Variants in MLLT3 observed in about 807,000 individuals in gnomAD.
The protein encoded by MLLT3 is MLLT3 super elongation complex subunit.
Under a neutral mutation model 53.2 loss-of-function variants are expected in MLLT3, and 4 were observed. The ratio of observed to expected loss-of-function variants is 0.08; its 90% confidence interval spans 0.04 to 0.17. MLLT3 has a LOEUF of 0.17. MLLT3 is among the 10% of genes least tolerant of loss of function. The probability of loss-of-function intolerance (pLI) is 1.00; values close to 1 mark genes in which losing one functional copy is unlikely to be tolerated. For missense variants in MLLT3, 569 were observed against 684.0 expected (o/e 0.83, Z 1.87); for synonymous variants, 283 against 230.6 (o/e 1.23, Z -2.06).
In MLLT3 at chr9:20,404,846, A is replaced by C. The variant is rs117183486; in HGVS notation, c.1125+8875T>G. On this transcript the variant is annotated intron_variant, in intron 5 of 10. Transcript: ENST00000380338. ...TTCCAAGTGTAGACTCTTGTACCAC[A>C]CTTCCTGGACCACTCCTCCTGAGCC... 3.5e-3 allele frequency among the ~76,000 whole-genome samples: 527 copies of C among 151,960 alleles called. 11 individuals carry two copies. In the East Asian group the frequency reaches 0.067, roughly 19 times the overall value.
intron 5 of MLLT3, among the ~76,000 whole-genome samples, chr9:20,405,186 T>C (rs950283046): frequency 6.6e-6 from 1 of 152,188 alleles, no homozygotes; most frequent in African/African-American, 2.4e-5. Flanking sequence ...TTCAGTACTT[T>C]CTGCAATTCT....
rs202193338 is a variant in MLLT3, at chr9:20,613,306, T to TA, written c.193+7347dup. The stretch of plus-strand genomic sequence containing the variant: ...TTGCATGTGAATTATATCTCAATTG[T>TA]AAAAAAAAGATTCACTAGCATGATC... On this transcript the variant is annotated intron_variant, in intron 2 of 10. Transcript: ENST00000380338. 5.6e-3 allele frequency among the ~76,000 whole-genome samples: 858 copies of TA among 151,992 alleles called. 6 individuals are homozygous for TA. The highest frequency in any genetic ancestry group is 0.018 in the African/African-American group (756 of 41,456).
At chr9:20,576,842 A>C (rs1293116407) in intron 2 of MLLT3, among the ~76,000 whole-genome samples, 1 of 152,152 alleles carries the variant, frequency 6.6e-6, no homozygotes, top group East Asian at 1.9e-4. Flanking sequence ...CTTTCAACTT[A>C]CGAAAACACA....
At chr9:20,541,789 T>C (rs966246886) in intron 2 of MLLT3, among the ~76,000 whole-genome samples, 2 of 152,244 alleles carry the variant, frequency 1.3e-5, no homozygotes, top group Admixed American at 1.3e-4. Context: ...TCAAGTTTTA[T>C]CATGAGATTG....
chr9:20,608,306 A>AT (rs1248736439), intron 2 of MLLT3, among the ~76,000 whole-genome samples: 3 of 151,964 alleles, frequency 2.0e-5, no homozygotes, highest in Admixed American at 2.0e-4. Flanking sequence ...TAGGCTCTAG[A>AT]AAAATTTTTA....
rs774697398 is a variant in MLLT3 at position 20,342,214 on chromosome 9, AG to A, written c.*4228del. The A allele has an allele frequency of 2.5e-4, 56 of 220,636 alleles. No homozygotes were observed. The highest frequency in any genetic ancestry group is 4.8e-4 in the Non-Finnish European group (53 of 109,974). 13.7% of individuals were successfully genotyped at this position (220,636 alleles called of 1,614,324 possible). A position where few individuals can be genotyped will look rare whatever the true frequency, so the allele number is the denominator to read the frequency against. ...TACATTTTAAAAAAGGTGCTGAAAC[AG>A]ATTATATGAGTTTAAGTAAAACACC... On this transcript the variant is annotated 3_prime_UTR_variant, in exon 11 of 11. Transcript: ENST00000380338.
intron 2 of MLLT3, among the ~76,000 whole-genome samples, chr9:20,514,229 G>A (rs1817842301): frequency 1.3e-5 from 2 of 152,150 alleles, no homozygotes; most frequent in African/African-American, 4.8e-5. Flanking sequence ...GGAAACAGTG[G>A]GTTCAGGAAG....
chr9:20,555,321 G>A (rs1302375045), intron 2 of MLLT3, among the ~76,000 whole-genome samples: 2 of 151,990 alleles, frequency 1.3e-5, no homozygotes, highest in Non-Finnish European at 2.9e-5. Context: ...CTGAAACTGA[G>A]TTCTATTTTT....
At chr9:20,556,906 G>T (rs946554828) in intron 2 of MLLT3, among the ~76,000 whole-genome samples, 3 of 151,930 alleles carry the variant, frequency 2.0e-5, no homozygotes, top group Non-Finnish European at 4.4e-5. Context: ...CCCAAATTAC[G>T]TATTTTGAAA....
intron 2 of MLLT3, among the ~76,000 whole-genome samples, chr9:20,535,054 C>G (rs1156697465): frequency 2.0e-5 from 3 of 152,132 alleles, no homozygotes; most frequent in Non-Finnish European, 4.4e-5. Flanking sequence ...CTCCCAGGGC[C>G]TAATACTGGT....
At chr9:20,602,723 A>C (rs1014364316) in intron 2 of MLLT3, among the ~76,000 whole-genome samples, 2 of 151,374 alleles carry the variant, frequency 1.3e-5, no homozygotes. Context: ...CAAATCTCCT[A>C]CTGCCAGGCT....
rs560294145 is a variant in MLLT3 at position 20,448,065 on chromosome 9, T to C, written c.420+58A>G. The C allele has an allele frequency of 5.1e-6, 8 of 1,557,524 alleles. No homozygotes were observed. Among genetic ancestry groups the C allele is most frequent in the Non-Finnish European group, 6.9e-6 (8 of 1,153,276 alleles). On this transcript the variant is annotated intron_variant, in intron 4 of 10. Transcript: ENST00000380338. The surrounding 1 kb of genome is among the most constrained non-coding windows in gnomAD (Gnocchi z 4.0). ...CATGAGGAACTAGTTTGTTTGTTTT[T>C]TTTTTTGTTGTTGTTGTTTTTTAAT...
intron 4 of MLLT3, among the ~76,000 whole-genome samples, chr9:20,443,417 A>G (rs2118838573): frequency 6.6e-6 from 1 of 152,308 alleles, no homozygotes; most frequent in South Asian, 2.1e-4. Context: ...CAGAATTAAG[A>G]ACAATGTTAA....
chr9:20,563,476 C>G (rs1304143889), intron 2 of MLLT3, among the ~76,000 whole-genome samples: 1 of 151,966 alleles, frequency 6.6e-6, no homozygotes, highest in Non-Finnish European at 1.5e-5. Context: ...TCAGACAAAC[C>G]AGGCTAAATA....
At chr9:20,403,004 G>T (rs1390880434) in intron 5 of MLLT3, among the ~76,000 whole-genome samples, 1 of 152,102 alleles carries the variant, frequency 6.6e-6, no homozygotes, top group Non-Finnish European at 1.5e-5. Context: ...ACTTTAAAAT[G>T]TTCTAGAGGA....
intron 4 of MLLT3, among the ~76,000 whole-genome samples, chr9:20,445,049 C>A (rs1417153129): frequency 6.6e-6 from 1 of 151,672 alleles, no homozygotes; most frequent in African/African-American, 2.4e-5. Flanking sequence ...AAAAATCAAG[C>A]CACTGCACTC....
At chr9:20,433,938 C>A (rs1355099275) in intron 4 of MLLT3, among the ~76,000 whole-genome samples, 1 of 148,866 alleles carries the variant, frequency 6.7e-6, no homozygotes, top group Non-Finnish European at 1.5e-5. Flanking sequence ...CATGATGAAA[C>A]CCTGTCTCTA....
chr9:20,392,816 G>A (rs2118724947), intron 5 of MLLT3, among the ~76,000 whole-genome samples: 1 of 152,254 alleles, frequency 6.6e-6, no homozygotes, highest in East Asian at 1.9e-4. Flanking sequence ...CATTTGTAGA[G>A]TGAGTACAAA....
chr9:20,356,048 G>A (rs778192014), intron 8 of MLLT3, among the ~76,000 whole-genome samples: 1 of 152,152 alleles, frequency 6.6e-6, no homozygotes, highest in Non-Finnish European at 1.5e-5. Flanking sequence ...AAATGGGAGA[G>A]ATGAACAAGA....
Sources: allele counts gnomAD v4.1 joint callset (sites outside exome capture counted in the v4.1 genomes callset), GRCh38; gene constraint gnomAD v4.1.1; non-coding constraint Gnocchi (gnomAD v3.1); transcripts MANE v1.5; gene names NCBI Gene and HGNC (gene_info 2026-07-23, HGNC 2026-07-21).